Variants in KIF13B observed in about 807,000 individuals in gnomAD.
The protein encoded by KIF13B is kinesin family member 13B.
KIF13B carries 127 observed loss-of-function variants against 222.0 expected under a neutral mutation model. The ratio of observed to expected loss-of-function variants is 0.57; its 90% CI spans 0.50 to 0.66. The LOEUF is 0.66. Among genes scored for constraint, KIF13B ranks in the 30% least tolerant of loss-of-function variants. KIF13B has a pLI of 0.00. For synonymous variants in KIF13B, 976 were observed against 919.0 expected, an observed-to-expected ratio of 1.06 and a Z score of -1.12; for missense variants, 2,173 against 2,379.0, an observed-to-expected ratio of 0.91 and a Z score of 1.80.
chr8:29,211,204 A>G (rs942637839), intron 2 of KIF13B, among the ~76,000 whole-genome samples: 2 of 152,218 alleles, frequency 1.3e-5, no homozygotes, highest in Admixed American at 6.5e-5. Flanking sequence ...ACTTGTTTCC[A>G]TGCATTGTTT....
chr8:29,177,994 A>C (rs1440423974), intron 8 of KIF13B, among the ~76,000 whole-genome samples: 1 of 152,340 alleles, frequency 6.6e-6, no homozygotes, highest in Admixed American at 6.5e-5. Flanking sequence ...CTGTTACTTC[A>C]AAATTATTTT....
At chr8:29,114,325 C>T (rs918399339) in intron 31 of KIF13B, among the ~76,000 whole-genome samples, 1 of 152,212 alleles carries the variant, frequency 6.6e-6, no homozygotes, top group African/African-American at 2.4e-5. Context: ...CATCATTTCA[C>T]AAACCTACCT....
At chr8:29,172,514 T>C (rs1047731635) in intron 10 of KIF13B, among the ~76,000 whole-genome samples, 1 of 152,194 alleles carries the variant, frequency 6.6e-6, no homozygotes, top group African/African-American at 2.4e-5. Flanking sequence ...TTAAAAAATG[T>C]TATGGTTTCA....
chr8:29,190,986 G>T lies in KIF13B; in HGVS notation c.223+11C>A. The stretch of plus-strand genomic sequence containing the variant: ...ACCATCAGTAGTTGACAGGATGCTG[G>T]ATTCTATTACCTGCATACTTTTCTT... On this transcript the variant is annotated intron_variant, in intron 4 of 39. Transcript: ENST00000524189. 1 of 1,607,572 alleles carries T rather than the reference G, an allele frequency of 6.2e-7. No individual in the cohort carries two copies. Among genetic ancestry groups the T allele is most frequent in the Non-Finnish European group, 8.5e-7 (1 of 1,174,174 alleles).
At chr8:29,256,529 T>A (rs184601362) in intron 1 of KIF13B, among the ~76,000 whole-genome samples, 1 of 152,368 alleles carries the variant, frequency 6.6e-6, no homozygotes, top group Admixed American at 6.5e-5. Context: ...TGCATCTTAT[T>A]ATCAACAAGA....
chr8:29,110,757 C>T lies in KIF13B; in HGVS notation c.3931-687G>A, dbSNP rs1340951452. The T allele has an allele frequency of 2.6e-5, 4 of 152,348 alleles. No individual in the cohort carries two copies. The East Asian group carries it at 7.7e-4, about 29-fold the overall frequency. The allele number at this position is 152,348 out of a possible 1,614,324, so 9.4% of individuals were successfully genotyped here. On this transcript the variant is annotated intron_variant, in intron 32 of 39. Coordinates refer to ENST00000524189, the MANE Select transcript of KIF13B (RefSeq NM_015254.4). ...GCTGTGCATACAAATGGGAGGTGCA[C>T]AGTCAGAAAGAGGCTTTATTAATGT...
At chr8:29,152,231 G>C (rs1343739455) in intron 14 of KIF13B, among the ~76,000 whole-genome samples, 1 of 152,180 alleles carries the variant, frequency 6.6e-6, no homozygotes, top group Non-Finnish European at 1.5e-5. Flanking sequence ...TCTTGAGATG[G>C]AATCTACTCC....
chr8:29,099,692 C>T (rs1362086983), intron 35 of KIF13B, among the ~76,000 whole-genome samples: 1 of 152,078 alleles, frequency 6.6e-6, no homozygotes, highest in African/African-American at 2.4e-5. Context: ...TTCTACTTGT[C>T]ATCCTGCTTA....
chr8:29,155,139 T>C (rs1030582619), intron 14 of KIF13B, among the ~76,000 whole-genome samples: 2 of 152,104 alleles, frequency 1.3e-5, no homozygotes, highest in African/African-American at 4.8e-5. Flanking sequence ...TCTCATATTA[T>C]GCGCCAGGAA....
chr8:29,123,634 A>C, intron 27 of KIF13B, 142 bp from the exon 28 acceptor site: 3 of 1,117,788 alleles, frequency 2.7e-6, no homozygotes, highest in Non-Finnish European at 3.9e-6. Flanking sequence ...CCACAGCTAG[A>C]GAGGTCAGAT....
In KIF13B at chr8:29,142,160, G is replaced by T. The variant is rs758192831; in HGVS notation, c.2331C>A (p.Asn777Lys). Residue 777 changes from asparagine to lysine, a missense_variant, in exon 19 of 40, where the codon AAC (asparagine) becomes AAA (lysine). Physicochemically the swap from Asn to Lys is moderately conservative, Grantham distance 94. Around this residue, in one of 2 missense-constraint regions of KIF13B, gnomAD observed 1,480 missense variants for 1,722.8 expected, o/e 0.86. Transcript: ENST00000524189. ...GATTTTCTCTTAAATAACTTACTGG[G>T]TTATCTTCTTCACACTCTTTCCACT... The part of the protein sequence containing the change: ...YQEWKECEED[N>K]PVIRSYFKRA... 4 of 1,611,660 alleles carry T rather than the reference G, an allele frequency of 2.5e-6. No homozygotes were observed. In the East Asian group the frequency reaches 6.7e-5, roughly 27 times the overall value.
intron 30 of KIF13B, among the ~76,000 whole-genome samples, chr8:29,117,282 C>T (rs748857015): frequency 3.3e-5 from 5 of 152,128 alleles, no homozygotes; most frequent in South Asian, 2.1e-4. Flanking sequence ...AAAATTCAGT[C>T]GAGTGATTTG....
chr8:29,237,118 G>C (rs145168255), intron 2 of KIF13B, among the ~76,000 whole-genome samples: 204 of 152,078 alleles, frequency 1.3e-3, no homozygotes, highest in Admixed American at 2.8e-3. Flanking sequence ...GGCTGAATGG[G>C]TTTCTCATGT....
chr8:29,198,968 A>G (rs1306832003), intron 2 of KIF13B, among the ~76,000 whole-genome samples: 1 of 152,162 alleles, frequency 6.6e-6, no homozygotes, highest in Non-Finnish European at 1.5e-5. Context: ...ATTGGGTACA[A>G]TGTACACTAC....
In KIF13B at chr8:29,155,807, C is replaced by A; in HGVS notation, c.1454G>T (p.Gly485Val). 2 of 1,592,168 alleles carry A rather than the reference C, an allele frequency of 1.3e-6. No homozygotes were observed. The highest frequency in any genetic ancestry group is 1.7e-6 in the Non-Finnish European group (2 of 1,167,834). The change falls in exon 14 of 40, where the codon GGC becomes GTC. Residue 485 changes from glycine (G) to valine (V), a missense_variant. Gly to Val is a moderately radical substitution (Grantham distance 109). Transcript: ENST00000524189. ...ACAGTGTTCAGGAAGAATTCCCATGCCGCACAGTTGGATATCTTGGGAATT... is the reference window on the plus strand; with the variant it reads ...ACAGTGTTCAGGAAGAATTCCCATGACGCACAGTTGGATATCTTGGGAATT... ...SANSQDIQLC[G>V]MGILPEHCII...
Position 29,068,311 on chromosome 8 carries a change from T to A in KIF13B, c.*2193A>T, listed in dbSNP as rs928092360. 1 of 152,034 alleles carries A rather than the reference T, an allele frequency of 6.6e-6. No individual in the cohort carries two copies. Among genetic ancestry groups the A allele is most frequent in the African/African-American group, 2.4e-5 (1 of 41,328 alleles). The allele number at this position is 152,034 out of a possible 1,614,324, so 9.4% of individuals were successfully genotyped here. On this transcript the variant is annotated 3_prime_UTR_variant, in exon 40 of 40. Coordinates refer to ENST00000524189, the MANE Select transcript of KIF13B (RefSeq NM_015254.4). This position sits in a 1 kb window ranked among gnomAD's most constrained non-coding sequence, Gnocchi z 4.4. Reference sequence around the variant, plus strand: ...AGGCCAGCCCGCCCTGGCCCACCACTCTGGAGACCGCACCTCCTGCCTGCC... The same window carrying A: ...AGGCCAGCCCGCCCTGGCCCACCACACTGGAGACCGCACCTCCTGCCTGCC...
At chr8:29,249,620 A>G (rs1816195703) in intron 1 of KIF13B, among the ~76,000 whole-genome samples, 1 of 152,188 alleles carries the variant, frequency 6.6e-6, no homozygotes, top group African/African-American at 2.4e-5. Flanking sequence ...GCCAAATGCA[A>G]AAAAGCAAAA....
At chr8:29,145,545 C>T (rs1000054540) in intron 18 of KIF13B, among the ~76,000 whole-genome samples, 1 of 152,066 alleles carries the variant, frequency 6.6e-6, no homozygotes. Flanking sequence ...GCAGGAGAAT[C>T]GCTTGAACCC....
Position 29,146,548 on chromosome 8 carries a change from A to C in KIF13B, c.2025-8T>G, listed in dbSNP as rs1326795575. 6.2e-7 allele frequency: 1 copy of C among 1,611,574 alleles called. No individual in the cohort carries two copies. Among genetic ancestry groups the C allele is most frequent in the Non-Finnish European group, 8.5e-7 (1 of 1,179,140 alleles). On this transcript the variant is annotated splice_region_variant and splice_polypyrimidine_tract_variant and intron_variant, in intron 17 of 39. Transcript: ENST00000524189. ...TTATTCAACGTTGCTTCTCTAAAAA[A>C]AAATAAAGAAGCGGCAGAGGTAGGG...
Sources: gnomAD v4.1 joint callset for allele counts (sites outside exome capture counted in the v4.1 genomes callset) on GRCh38, gnomAD v4.1.1 for gene constraint, gnomAD v4.1.1 regional missense constraint, Gnocchi (gnomAD v3.1) non-coding constraint, MANE v1.5 for transcripts, NCBI Gene and HGNC (gene_info 2026-07-23, HGNC 2026-07-21) for gene names.